Variants in DENND1B observed in about 807,000 individuals in gnomAD.
DENND1B encodes the protein DENN domain containing 1B.
A neutral mutation model predicts 90.1 loss-of-function variants in DENND1B; 59 were observed. The observed-to-expected ratio is 0.65, with a 90% CI of 0.53 to 0.81. The LOEUF (loss-of-function observed/expected upper bound fraction) is 0.81, where lower values mean the gene tolerates loss of function less well. Ranked by LOEUF, DENND1B falls within the 40% of genes least tolerant of loss-of-function variation. DENND1B has a pLI of 0.00. For synonymous variants in DENND1B, 337 were observed against 324.6 expected, an observed-to-expected ratio of 1.04 and a Z score of -0.41; for missense variants, 862 against 912.6, an observed-to-expected ratio of 0.94 and a Z score of 0.71.
intron 20 of DENND1B, among the ~76,000 whole-genome samples, chr1:197,534,765 A>G (rs993195782): frequency 2.0e-5 from 3 of 152,222 alleles, no homozygotes; most frequent in Non-Finnish European, 4.4e-5. Context: ...ATACATGCTG[A>G]TAACTAGACT....
At chr1:197,680,420 A>G (rs908852054) in intron 3 of DENND1B, among the ~76,000 whole-genome samples, 17 of 152,340 alleles carry the variant, frequency 1.1e-4, no homozygotes, top group African/African-American at 4.1e-4. Flanking sequence ...ATATCAAGCA[A>G]TCATTTAAAT....
At chr1:197,545,804 T>A (rs908317556) in intron 18 of DENND1B, 118 bp downstream of exon 18, 1 of 770,494 alleles carries the variant, frequency 1.3e-6, no homozygotes, top group South Asian at 2.0e-5. Context: ...TTAATCCTAA[T>A]TTTTTTTTAG....
At chr1:197,652,402 G>A in intron 6 of DENND1B, 87 bp from the exon 7 acceptor site, 1 of 989,296 alleles carries the variant, frequency 1.0e-6, no homozygotes, top group Non-Finnish European at 1.5e-6. Context: ...AATCTACTAT[G>A]GCTTTTCATA....
intron 2 of DENND1B, among the ~76,000 whole-genome samples, chr1:197,754,609 G>A (rs1484656706): frequency 7.9e-6 from 1 of 125,832 alleles, no homozygotes; most frequent in Non-Finnish European, 1.6e-5. Context: ...AGTAAGCCAA[G>A]ATCGTGCTAC....
rs1677231566 is a variant in DENND1B, at chr1:197,612,067, T to C, written c.774-91A>G. On this transcript the variant is annotated intron_variant, in intron 11 of 22. Coordinates refer to ENST00000620048, the MANE Select transcript of DENND1B (RefSeq NM_001195215.2). ...TAATTCAAAATGATTAAAAATTAAA[T>C]GTATTAAATGCTCAGTTCCAGCATA... 5.0e-6 allele frequency: 5 copies of C among 1,000,624 alleles called. No homozygotes were observed. In the South Asian group the frequency reaches 6.2e-5, roughly 12 times the overall value. The allele number at this position is 1,000,624 out of a possible 1,614,324, so 62.0% of individuals were successfully genotyped here.
At chr1:197,747,015 C>T (rs1216164858) in intron 2 of DENND1B, 2 of 870,188 alleles carry the variant, frequency 2.3e-6, no homozygotes, top group Non-Finnish European at 4.0e-6. Context: ...CAACATTTTT[C>T]CTTTTAACAT....
chr1:197,564,633 G>A (rs1480531592), intron 15 of DENND1B, among the ~76,000 whole-genome samples: 1 of 151,824 alleles, frequency 6.6e-6, no homozygotes, highest in African/African-American at 2.4e-5. Flanking sequence ...GTCTGGAACT[G>A]AACCCACACT....
chr1:197,750,129 G>GA (rs1330737904), intron 2 of DENND1B, among the ~76,000 whole-genome samples: 1 of 152,152 alleles, frequency 6.6e-6, no homozygotes, highest in Non-Finnish European at 1.5e-5. Flanking sequence ...CTATAGGCGT[G>GA]AGCCACCAGG....
chr1:197,662,807 A>C (rs1317756352), intron 5 of DENND1B, among the ~76,000 whole-genome samples: 1 of 152,056 alleles, frequency 6.6e-6, no homozygotes, highest in Non-Finnish European at 1.5e-5. Flanking sequence ...CAGCCTGCCT[A>C]TATGTCCTAT....
intron 15 of DENND1B, among the ~76,000 whole-genome samples, chr1:197,563,852 T>A (rs1672385185): frequency 6.6e-6 from 1 of 151,880 alleles, no homozygotes; most frequent in Admixed American, 6.6e-5. Context: ...AACAGCAACA[T>A]TAACAGGAGT....
intron 6 of DENND1B, 133 bp downstream of exon 6, chr1:197,658,167 T>C (rs1654040810): frequency 1.4e-6 from 1 of 730,264 alleles, no homozygotes; most frequent in Admixed American, 2.4e-5. Context: ...AAAAGATGTA[T>C]GGTATTGATG....
At chr1:197,631,354 G>C (rs892960311) in intron 10 of DENND1B, among the ~76,000 whole-genome samples, 3 of 151,964 alleles carry the variant, frequency 2.0e-5, no homozygotes, top group African/African-American at 4.8e-5. Context: ...TTTTAGACAA[G>C]AAATTTCAGG....
chr1:197,715,497 C>T (rs1023578473), intron 2 of DENND1B, among the ~76,000 whole-genome samples: 2 of 151,668 alleles, frequency 1.3e-5, no homozygotes, highest in African/African-American at 4.8e-5. Flanking sequence ...CTCTCAGAGA[C>T]TAGACCAAAA....
Position 197,510,688 on chromosome 1 carries a change from T to C in DENND1B, c.2100A>G (p.Lys700=). ...GGCTTAGTGTTTCCCTCTTTTCTGT[T>C]TTTCCTTTATCAGTCTGGGAAACTT... ...SPEVSQTDKG[K]TEKRETLSQI... The change falls in exon 23 of 23, where the codon AAA becomes AAG. Residue 700 remains lysine (K), a synonymous_variant. Coordinates refer to ENST00000620048, the MANE Select transcript of DENND1B (RefSeq NM_001195215.2). The C allele has an allele frequency of 1.2e-6, 2 of 1,612,814 alleles. No individual in the cohort carries two copies. Among genetic ancestry groups the C allele is most frequent in the Non-Finnish European group, 1.7e-6 (2 of 1,179,208 alleles).
intron 2 of DENND1B, among the ~76,000 whole-genome samples, chr1:197,754,608 A>T (rs1187957064): frequency 7.1e-6 from 1 of 141,600 alleles, no homozygotes; most frequent in Non-Finnish European, 1.5e-5. Context: ...CAGTAAGCCA[A>T]GATCGTGCTA....
At chr1:197,580,127 C>G (rs1674085138) in intron 15 of DENND1B, among the ~76,000 whole-genome samples, 1 of 110,556 alleles carries the variant, frequency 9.0e-6, no homozygotes, top group South Asian at 3.2e-4. Flanking sequence ...GAGTCTCACT[C>G]TGTCGCCCAG....
intron 13 of DENND1B, among the ~76,000 whole-genome samples, chr1:197,602,033 AATGATTGCCATCACAAC>A (rs2125825880): frequency 6.6e-6 from 1 of 151,768 alleles, no homozygotes; most frequent in African/African-American, 2.4e-5. Context: ...GCAGAAGCAC[AATGATTGCCATCACAAC>A]ATGGTCTCTT....
At chr1:197,593,663 C>A (rs1043560432) in intron 14 of DENND1B, among the ~76,000 whole-genome samples, 5 of 151,812 alleles carry the variant, frequency 3.3e-5, no homozygotes, top group Non-Finnish European at 7.4e-5. Context: ...AGTCAGCACC[C>A]AACAAACTGA....
chr1:197,680,108 T>C (rs1040324023), intron 3 of DENND1B, among the ~76,000 whole-genome samples: 2 of 152,122 alleles, frequency 1.3e-5, no homozygotes, highest in Non-Finnish European at 2.9e-5. Flanking sequence ...TCCACTTCAC[T>C]AGGTGACAGG....
Sources: gnomAD v4.1 joint callset for allele counts (sites outside exome capture counted in the v4.1 genomes callset) on GRCh38, gnomAD v4.1.1 for gene constraint, MANE v1.5 for transcripts, NCBI Gene and HGNC (gene_info 2026-07-23, HGNC 2026-07-21) for gene names.